TLN2: variants seen among roughly 807,000 people sequenced by gnomAD.
TLN2 encodes talin-2.
Under a neutral mutation model 294.7 loss-of-function variants are expected in TLN2, and 118 were observed. The observed-to-expected ratio is 0.40, with a 90% confidence interval of 0.34 to 0.47. The LOEUF is 0.47. Ranked by LOEUF, TLN2 falls within the 20% of genes least tolerant of loss-of-function variation. The probability of loss-of-function intolerance (pLI) is 0.84; values close to 1 mark genes in which losing one functional copy is unlikely to be tolerated. For missense variants in TLN2, 3,083 were observed against 3,282.2 expected, an observed-to-expected ratio of 0.94 and a Z score of 1.48; for synonymous variants, 1,431 against 1,304.5, an observed-to-expected ratio of 1.10 and a Z score of -2.09.
chr15:62,813,464 A>C (rs1017699134), intron 52 of TLN2, among the ~76,000 whole-genome samples: 4 of 152,214 alleles, frequency 2.6e-5, no homozygotes, highest in African/African-American at 4.8e-5. Flanking sequence ...CTATAAAAGA[A>C]ACAGAATCCA....
intron 2 of TLN2, among the ~76,000 whole-genome samples, chr15:62,605,926 T>G (rs536190393): frequency 6.6e-6 from 1 of 152,350 alleles, no homozygotes; most frequent in East Asian, 1.9e-4. Flanking sequence ...TGTCAGAATT[T>G]CCCTTCTTTA....
intron 13 of TLN2, 34 bp downstream of exon 13, chr15:62,692,975 A>C: frequency 6.4e-7 from 1 of 1,565,064 alleles, no homozygotes; most frequent in Non-Finnish European, 8.7e-7. Context: ...GAAAAGCAAG[A>C]CGGCTTTATT....
intron 52 of TLN2, 140 bp from the exon 53 acceptor site, chr15:62,819,375 CA>C: frequency 1.5e-6 from 1 of 664,006 alleles, no homozygotes; most frequent in Non-Finnish European, 2.6e-6. Context: ...GGGTTTTCCA[CA>C]AGGCTCTGAA....
rs182003355 is a variant in TLN2, at chr15:62,792,944, A to G, written c.5883+157A>G. On this transcript the variant is annotated intron_variant, in intron 46 of 58. Coordinates refer to ENST00000636159, the MANE Select transcript of TLN2 (RefSeq NM_015059.3). ...CCCCACTGCCCAGGTTCTCCCAAAA[A>G]TGGGGTGCATCAGGGAGCTGGGGTG... Among the ~76,000 whole-genome samples the G allele has an allele frequency of 4.6e-5, 7 of 152,308 alleles. No homozygotes were observed. The East Asian group carries it at 9.7e-4, about 21-fold the overall frequency.
intron 3 of TLN2, among the ~76,000 whole-genome samples, chr15:62,623,745 T>G (rs2049033619): frequency 6.6e-6 from 1 of 152,238 alleles, no homozygotes. Context: ...CAGAACCTAT[T>G]TCCCTTTGGT....
chr15:62,400,812 GTTTTT>G (rs11369905), intron 1 of TLN2, among the ~76,000 whole-genome samples: 5 of 119,468 alleles, frequency 4.2e-5, no homozygotes, highest in African/African-American at 1.3e-4. Context: ...TATGTTTCCG[GTTTTT>G]TTTTTTTTTT....
chr15:62,545,912 A>G (rs1181701879), intron 1 of TLN2, among the ~76,000 whole-genome samples: 1 of 152,194 alleles, frequency 6.6e-6, no homozygotes, highest in African/African-American at 2.4e-5. Flanking sequence ...AGAGAGTGCC[A>G]GAAGAGGACT....
intron 35 of TLN2, among the ~76,000 whole-genome samples, chr15:62,752,832 T>G (rs1210550248): frequency 6.6e-6 from 1 of 152,202 alleles, no homozygotes; most frequent in East Asian, 1.9e-4. Context: ...TAAGATGCCA[T>G]CATGCAGAGA....
intron 1 of TLN2, among the ~76,000 whole-genome samples, chr15:62,586,228 A>C (rs539342407): frequency 2.0e-5 from 3 of 152,322 alleles, no homozygotes; most frequent in African/African-American, 7.2e-5. Flanking sequence ...TGGGTGGCCC[A>C]TGTGTTGTGG....
Position 62,821,543 on chromosome 15 carries a change from C to T in TLN2, c.7002+933C>T, listed in dbSNP as rs538722594. 9.8e-5 allele frequency among the ~76,000 whole-genome samples: 15 copies of T among 152,356 alleles called. 1 individual carries two copies. The South Asian group carries it at 2.9e-3, about 29-fold the overall frequency. On this transcript the variant is annotated intron_variant, in intron 54 of 58. Transcript: ENST00000636159. ...AGAGCAGACCACTCAAAAGCAGTGC[C>T]TGGGCCAGTGTAGTGTATGAAATAA...
chr15:62,707,032 G>A (rs1276002707), intron 19 of TLN2, 54 bp from the exon 20 acceptor site: 8 of 1,530,776 alleles, frequency 5.2e-6, no homozygotes, highest in Admixed American at 1.9e-5. Context: ...TTTTCAGGCT[G>A]TGAAAGGTGA....
chr15:62,817,047 C>T (rs2067172884), intron 52 of TLN2, among the ~76,000 whole-genome samples: 1 of 152,064 alleles, frequency 6.6e-6, no homozygotes, highest in African/African-American at 2.4e-5. Context: ...TATAACCTCA[C>T]CACAGCTCTA....
At chr15:62,596,917 T>C (rs1417730695) in intron 2 of TLN2, among the ~76,000 whole-genome samples, 1 of 152,226 alleles carries the variant, frequency 6.6e-6, no homozygotes, top group Non-Finnish European at 1.5e-5. Context: ...TTGTTTTTGC[T>C]TCTTTTACGG....
rs570068279 is a variant in TLN2 at position 62,502,880 on chromosome 15, C to G, written c.-237-86807C>G. On this transcript the variant is annotated intron_variant, in intron 1 of 58. Coordinates refer to ENST00000636159, the MANE Select transcript of TLN2 (RefSeq NM_015059.3). The stretch of plus-strand genomic sequence containing the variant: ...TTGCTCTTGTACTGTTTGGTAACAA[C>G]TTTGAGGTGAGTCCTTTCCTTTTGG... 7.2e-5 allele frequency among the ~76,000 whole-genome samples: 11 copies of G among 152,280 alleles called. No individual in the cohort carries two copies. In the South Asian group the frequency reaches 2.3e-3, roughly 32 times the overall value.
chr15:62,666,921 C>T (rs1019183709), intron 9 of TLN2, among the ~76,000 whole-genome samples: 9 of 152,218 alleles, frequency 5.9e-5, no homozygotes, highest in African/African-American at 2.2e-4. Flanking sequence ...CCCCCAGAGC[C>T]TCTTATCCAG....
At chr15:62,690,717 G>C (rs955529737) in intron 12 of TLN2, among the ~76,000 whole-genome samples, 2 of 149,732 alleles carry the variant, frequency 1.3e-5, no homozygotes, top group Non-Finnish European at 2.9e-5. Flanking sequence ...CTCCAGCCTC[G>C]GCACCATTGA....
intron 1 of TLN2, among the ~76,000 whole-genome samples, chr15:62,451,469 A>ACT (rs1283983215): frequency 6.6e-6 from 1 of 152,212 alleles, no homozygotes; most frequent in Non-Finnish European, 1.5e-5. Context: ...ATCCTGGCTA[A>ACT]CATGGGTGAA....
At position 62,577,353 on chromosome 15, in the gene TLN2, T is replaced by A. The variant is rs1228281042; in HGVS notation, c.-237-12334T>A. On this transcript the variant is annotated intron_variant, in intron 1 of 58. Coordinates refer to ENST00000636159, the MANE Select transcript of TLN2 (RefSeq NM_015059.3). The stretch of plus-strand genomic sequence containing the variant: ...AGCTACTTTGGGAGGCTGAGGCAGG[T>A]GAATCACTTGAACCTGGGAGGCGGA... Among the ~76,000 whole-genome samples the A allele has an allele frequency of 3.3e-5, 5 of 151,950 alleles. No individual in the cohort carries two copies. The South Asian group carries it at 6.2e-4, about 19-fold the overall frequency.
chr15:62,642,970 G>C (rs1312165058), intron 3 of TLN2, among the ~76,000 whole-genome samples: 1 of 152,120 alleles, frequency 6.6e-6, no homozygotes, highest in Non-Finnish European at 1.5e-5. Context: ...CCAAAGTGCT[G>C]GGATTACAGG....
Sources: allele counts gnomAD v4.1 joint callset (sites outside exome capture counted in the v4.1 genomes callset), GRCh38; gene constraint gnomAD v4.1.1; transcripts MANE v1.5; gene names NCBI Gene and HGNC (gene_info 2026-07-23, HGNC 2026-07-21).